The following GAS7 variants were observed in gnomAD, a reference collection of about 807,000 sequenced individuals.
GAS7 encodes the protein growth arrest specific 7, also known as growth arrest-specific protein 7.
GAS7 carries 28 observed loss-of-function variants against 71.1 expected under a neutral mutation model. The observed-to-expected ratio is 0.39, with a 90% CI of 0.29 to 0.54. The LOEUF is 0.54. GAS7 is among the 20% of genes least tolerant of loss of function. The pLI, the probability that GAS7 is intolerant of heterozygous loss-of-function variation, is 0.62. For synonymous variants in GAS7, 258 were observed against 245.8 expected, an observed-to-expected ratio of 1.05 and a Z score of -0.46; for missense variants, 436 against 627.8, an observed-to-expected ratio of 0.69 and a Z score of 3.27.
At chr17:10,177,065 G>A (rs2142137872) in intron 1 of GAS7, among the ~76,000 whole-genome samples, 1 of 152,276 alleles carries the variant, frequency 6.6e-6, no homozygotes. Context: ...AGAGTGTAAT[G>A]GAGGAAACAG....
intron 2 of GAS7, among the ~76,000 whole-genome samples, chr17:10,010,136 G>GT (rs1184136734): frequency 1.3e-5 from 2 of 151,772 alleles, no homozygotes; most frequent in Non-Finnish European, 1.5e-5. Context: ...AAACAAACAG[G>GT]TTCTATTTCT....
At chr17:10,017,726 T>C (rs1218295173) in intron 2 of GAS7, among the ~76,000 whole-genome samples, 2 of 152,212 alleles carry the variant, frequency 1.3e-5, no homozygotes, top group African/African-American at 2.4e-5. Flanking sequence ...ACTCATTTGT[T>C]TACCTATCAT....
chr17:10,147,283 G>A (rs2074129061), intron 1 of GAS7, among the ~76,000 whole-genome samples: 1 of 152,128 alleles, frequency 6.6e-6, no homozygotes, highest in South Asian at 2.1e-4. Flanking sequence ...AAACAAATAG[G>A]TGTTTTCATA....
rs954694258 is a variant in GAS7 at position 9,986,091 on chromosome 17, C to T, written c.305-4207G>A. ...TTGAGGGTCGAAGCCACGGCTGGTT[C>T]GCCCTCTCAAATACGGCACCTGGCC... is the stretch of plus-strand genomic sequence containing the variant. On this transcript the variant is annotated intron_variant, in intron 2 of 13. Coordinates refer to ENST00000432992, the MANE Select transcript of GAS7 (RefSeq NM_201433.2). Among the ~76,000 whole-genome samples, 5 of 152,314 alleles carry T rather than the reference C, an allele frequency of 3.3e-5. 1 individual carries two copies. Among genetic ancestry groups the T allele is most frequent in the Admixed American group, 6.5e-5 (1 of 15,292 alleles).
At chr17:9,970,726 T>C (rs2069927566) in intron 3 of GAS7, among the ~76,000 whole-genome samples, 1 of 152,192 alleles carries the variant, frequency 6.6e-6, no homozygotes, top group Non-Finnish European at 1.5e-5. Context: ...CACTCACTCA[T>C]GCTCCCAACA....
At chr17:10,110,637 G>C (rs2073802796) in intron 1 of GAS7, among the ~76,000 whole-genome samples, 1 of 151,948 alleles carries the variant, frequency 6.6e-6, no homozygotes, top group Non-Finnish European at 1.5e-5. Flanking sequence ...ACGTCTGGCT[G>C]ATTTTTGTAT....
At chr17:10,095,800 T>C (rs1160650822) in intron 1 of GAS7, among the ~76,000 whole-genome samples, 1 of 115,700 alleles carries the variant, frequency 8.6e-6, no homozygotes, top group Non-Finnish European at 1.8e-5. Context: ...AGACTCCATC[T>C]CAAAAAAAAA....
chr17:9,962,746 T>G (rs1431230872), intron 4 of GAS7, among the ~76,000 whole-genome samples: 1 of 152,218 alleles, frequency 6.6e-6, no homozygotes, highest in African/African-American at 2.4e-5. Context: ...GGTCTTACAC[T>G]GGCACCTCAC....
At chr17:10,123,748 G>A (rs2073923050) in intron 1 of GAS7, among the ~76,000 whole-genome samples, 1 of 152,246 alleles carries the variant, frequency 6.6e-6, no homozygotes, top group Non-Finnish European at 1.5e-5. Flanking sequence ...CCAGTGGCTG[G>A]AGGAATCAAG....
Position 9,959,052 on chromosome 17 carries a change from G to A in GAS7, c.525+150C>T, listed in dbSNP as rs147116736. 13 of 1,328,106 alleles carry A rather than the reference G, an allele frequency of 9.8e-6. No individual in the cohort carries two copies. The highest frequency in any genetic ancestry group is 2.6e-5 in the East Asian group (1 of 38,772). 82.3% of individuals were successfully genotyped at this position (1,328,106 alleles called of 1,614,324 possible). On this transcript the variant is annotated intron_variant, in intron 5 of 13. Coordinates refer to ENST00000432992, the MANE Select transcript of GAS7 (RefSeq NM_201433.2). The surrounding 1 kb of genome is among the most constrained non-coding windows in gnomAD (Gnocchi z 5.0). ...GGGAGGTGGGAGGGGCATGTGGATG[G>A]GGAACTTGAGTGAAATCCGAGCTTT...
chr17:10,051,974 T>C (rs983217288), intron 1 of GAS7, among the ~76,000 whole-genome samples: 1 of 152,194 alleles, frequency 6.6e-6, no homozygotes, highest in African/African-American at 2.4e-5. Context: ...AGTAACTTGA[T>C]ATACAGTAGT....
intron 1 of GAS7, among the ~76,000 whole-genome samples, chr17:10,119,713 C>A (rs2073889841): frequency 6.6e-6 from 1 of 152,226 alleles, no homozygotes; most frequent in South Asian, 2.1e-4. Flanking sequence ...CCCAAAGCAC[C>A]TGCTGGTGTT....
chr17:10,183,977 C>T (rs1398310628), intron 1 of GAS7, among the ~76,000 whole-genome samples: 1 of 152,142 alleles, frequency 6.6e-6, no homozygotes, highest in South Asian at 2.1e-4. Context: ...GGTTTCTGGC[C>T]GACCCTTGAA....
intron 1 of GAS7, among the ~76,000 whole-genome samples, chr17:10,160,614 C>T (rs2074246057): frequency 6.6e-6 from 1 of 152,186 alleles, no homozygotes; most frequent in Admixed American, 6.5e-5. Context: ...ACTGCCTGGG[C>T]TCACCCTTGC....
Position 9,918,036 on chromosome 17 carries a change from G to C in GAS7, c.1282C>G (p.Gln428Glu). The C allele has an allele frequency of 6.2e-7, 1 of 1,613,754 alleles. No homozygotes were observed. The highest frequency in any genetic ancestry group is 8.5e-7 in the Non-Finnish European group (1 of 1,179,692). ...AACATGTCTGTTTCATGCCGCAGCTGCGTGTACTGGCACAGGTGCTGCCGG... is the reference window on the plus strand; with the variant it reads ...AACATGTCTGTTTCATGCCGCAGCTCCGTGTACTGGCACAGGTGCTGCCGG... ...MIRQHLCQYT[Q>E]LRHETDMFNQ... The change falls in exon 13 of 14, where the codon CAG becomes GAG. Residue 428 changes from glutamine (Q) to glutamate (E), a missense_variant. Gln to Glu is a conservative substitution (Grantham distance 29, BLOSUM62 2). Transcript: ENST00000432992.
chr17:9,971,525 A>T (rs1315394943), intron 3 of GAS7, among the ~76,000 whole-genome samples: 1 of 152,084 alleles, frequency 6.6e-6, no homozygotes, highest in African/African-American at 2.4e-5. Flanking sequence ...TGATTGTACC[A>T]CTACACTCCA....
At chr17:10,182,080 C>T (rs1411133329) in intron 1 of GAS7, among the ~76,000 whole-genome samples, 1 of 152,192 alleles carries the variant, frequency 6.6e-6, no homozygotes, top group East Asian at 1.9e-4. Flanking sequence ...CCTTGTTTAG[C>T]ATATAATCAA....
At chr17:10,163,441 TAA>T (rs879517796) in intron 1 of GAS7, among the ~76,000 whole-genome samples, 6 of 135,022 alleles carry the variant, frequency 4.4e-5, no homozygotes, top group Admixed American at 7.4e-5. Flanking sequence ...ATTTTTAATT[TAA>T]AAAAAAAAAA....
intron 2 of GAS7, among the ~76,000 whole-genome samples, chr17:10,013,101 TCAA>T (rs2071842617): frequency 8.9e-6 from 1 of 112,032 alleles, no homozygotes. Flanking sequence ...AGACTCTGTC[TCAA>T]AAAAAAAAAA....
Sources: gnomAD v4.1 joint callset for allele counts (sites outside exome capture counted in the v4.1 genomes callset) on GRCh38, gnomAD v4.1.1 for gene constraint, Gnocchi (gnomAD v3.1) non-coding constraint, MANE v1.5 for transcripts, NCBI Gene and HGNC (gene_info 2026-07-23, HGNC 2026-07-21) for gene names.